The following FBXO21 variants were observed in gnomAD, a reference collection of about 807,000 sequenced individuals.
FBXO21 encodes the protein F-box protein 21.
In FBXO21, 32 loss-of-function variants were observed where a neutral mutation model predicts 76.6. That is an observed-to-expected ratio of 0.42 (90% CI 0.32 to 0.56). The LOEUF is 0.56. Ranked by LOEUF, FBXO21 falls within the 20% of genes least tolerant of loss-of-function variation. FBXO21 has a pLI of 0.16. For synonymous variants in FBXO21, 328 were observed against 311.5 expected, an observed-to-expected ratio of 1.05 and a Z score of -0.56; for missense variants, 586 against 797.3, an observed-to-expected ratio of 0.73 and a Z score of 3.19.
chr12:117,184,049 A>G (rs1352176155), intron 3 of FBXO21, among the ~76,000 whole-genome samples: 1 of 151,936 alleles, frequency 6.6e-6, no homozygotes, highest in Non-Finnish European at 1.5e-5. Flanking sequence ...TTTGGATTAT[A>G]AGTAGCTTTA....
In FBXO21 at chr12:117,144,684, CG is replaced by C. The variant is rs1291573556; in HGVS notation, c.*1402del. The C allele has an allele frequency of 6.6e-6, 1 of 152,180 alleles. No homozygotes were observed. Among genetic ancestry groups the C allele is most frequent in the African/African-American group, 2.4e-5 (1 of 41,450 alleles). 9.4% of individuals were successfully genotyped at this position (152,180 alleles called of 1,614,324 possible). A position where few individuals can be genotyped will look rare whatever the true frequency, so the allele number is the denominator to read the frequency against. ...GAGCAAAGTAACTAGGTCCTAACTTCGGAAGTTAGCTTCTATCGATTAATGA... is the reference window on the plus strand; with the variant it reads ...GAGCAAAGTAACTAGGTCCTAACTTCGAAGTTAGCTTCTATCGATTAATGA... On this transcript the variant is annotated 3_prime_UTR_variant, in exon 12 of 12. Coordinates refer to ENST00000622495, the MANE Select transcript of FBXO21 (RefSeq NM_015002.3).
Position 117,143,368 on chromosome 12 carries a change from T to G in FBXO21, c.*2719A>C, listed in dbSNP as rs1199902713. 6.6e-6 allele frequency: 1 copy of G among 152,208 alleles called. No individual in the cohort carries two copies. The highest frequency in any genetic ancestry group is 1.5e-5 in the Non-Finnish European group (1 of 68,042). 9.4% of individuals were successfully genotyped at this position (152,208 alleles called of 1,614,324 possible). A position where few individuals can be genotyped will look rare whatever the true frequency, so the allele number is the denominator to read the frequency against. Reference sequence around the variant, plus strand: ...GACTTTGTTTAACCTATAACCTTTTTTCCTCCCACATAGTAGGTAGTAACA... The same window carrying G: ...GACTTTGTTTAACCTATAACCTTTTGTCCTCCCACATAGTAGGTAGTAACA... On this transcript the variant is annotated 3_prime_UTR_variant, in exon 12 of 12. Transcript: ENST00000622495.
At chr12:117,189,054 GT>G (rs1158909047) in intron 2 of FBXO21, 172 bp downstream of exon 2, 1 of 716,002 alleles carries the variant, frequency 1.4e-6, no homozygotes, top group Admixed American at 2.7e-5. Flanking sequence ...ATGGCTTCGT[GT>G]TGTTGGATAG....
intron 9 of FBXO21, 42 bp downstream of exon 9, chr12:117,165,443 C>G: frequency 1.3e-6 from 2 of 1,591,570 alleles, no homozygotes; most frequent in Non-Finnish European, 1.7e-6. Flanking sequence ...CTAGGACTTC[C>G]CTTTCTAAGG....
At chr12:117,184,716 A>G (rs1956266372) in intron 3 of FBXO21, among the ~76,000 whole-genome samples, 1 of 152,240 alleles carries the variant, frequency 6.6e-6, no homozygotes, top group African/African-American at 2.4e-5. Context: ...ATTGCACTCC[A>G]GCCTGGGCTA....
chr12:117,180,329 A>C (rs1361544804), intron 3 of FBXO21, among the ~76,000 whole-genome samples: 1 of 152,224 alleles, frequency 6.6e-6, no homozygotes, highest in Non-Finnish European at 1.5e-5. Flanking sequence ...TAGGAAGCCT[A>C]GTGTTGATGT....
At chr12:117,158,173 A>T in intron 9 of FBXO21, 110 bp from the exon 10 acceptor site, 2 of 1,267,082 alleles carry the variant, frequency 1.6e-6, no homozygotes, top group Non-Finnish European at 2.3e-6. Flanking sequence ...CAAAGGACCA[A>T]AAGGGGTGGC....
In FBXO21 at chr12:117,190,316, C is replaced by T; in HGVS notation, c.141G>A (p.Leu47=). Residue 47 remains leucine (L), a synonymous_variant, in exon 1 of 12, where the codon CTG becomes CTA. Transcript: ENST00000622495. ...VLEYILCCGS[L]TAADIGRVSS... Reference sequence around the variant, plus strand: ...AGACACGGCCGATGTCGGCGGCCGTCAGCGAGCCGCAGCACAGGATGTACT... The same window carrying T: ...AGACACGGCCGATGTCGGCGGCCGTTAGCGAGCCGCAGCACAGGATGTACT... 1 of 1,529,870 alleles carries T rather than the reference C, an allele frequency of 6.5e-7. No individual in the cohort carries two copies. The highest frequency in any genetic ancestry group is 8.7e-7 in the Non-Finnish European group (1 of 1,149,368). The allele number at this position is 1,529,870 out of a possible 1,614,324, so 94.8% of individuals were successfully genotyped here.
intron 7 of FBXO21, among the ~76,000 whole-genome samples, chr12:117,172,121 C>T (rs1051489581): frequency 6.6e-6 from 1 of 152,288 alleles, no homozygotes; most frequent in East Asian, 1.9e-4. Flanking sequence ...TGCTTTGGAA[C>T]AAAGGGACTC....
chr12:117,148,223 G>A (rs1473452796), intron 11 of FBXO21, among the ~76,000 whole-genome samples: 1 of 152,186 alleles, frequency 6.6e-6, no homozygotes, highest in Non-Finnish European at 1.5e-5. Flanking sequence ...GTTTTAGGCT[G>A]TTTCGGCAGA....
chr12:117,152,998 G>A (rs573015438), intron 11 of FBXO21, among the ~76,000 whole-genome samples: 17 of 152,178 alleles, frequency 1.1e-4, no homozygotes, highest in Middle Eastern at 3.4e-3. Flanking sequence ...CCGTGCTGGG[G>A]CTGTAAGGGG....
chr12:117,180,679 G>T (rs1474921940), intron 3 of FBXO21, among the ~76,000 whole-genome samples: 1 of 152,068 alleles, frequency 6.6e-6, no homozygotes, highest in African/African-American at 2.4e-5. Context: ...AGGCTGGAGT[G>T]CAGTGGTGCG....
In FBXO21 at chr12:117,172,463, A is replaced by G; in HGVS notation, c.1013+8T>C. 5 of 1,610,946 alleles carry G rather than the reference A, an allele frequency of 3.1e-6. No homozygotes were observed. The highest frequency in any genetic ancestry group is 4.2e-6 in the Non-Finnish European group (5 of 1,177,952). ...CAGGACCACAGATAATGTGTCACGG[A>G]TGCTCACCCTTCTGCGCCTTGGCAC... is the stretch of plus-strand genomic sequence containing the variant. On this transcript the variant is annotated splice_region_variant and intron_variant, in intron 7 of 11. Coordinates refer to ENST00000622495, the MANE Select transcript of FBXO21 (RefSeq NM_015002.3).
chr12:117,166,938 A>G lies in FBXO21; in HGVS notation c.1153T>C (p.Leu385=). The G allele has an allele frequency of 6.2e-7, 1 of 1,614,180 alleles. No homozygotes were observed. The highest frequency in any genetic ancestry group is 8.5e-7 in the Non-Finnish European group (1 of 1,180,040). The change falls in exon 8 of 12, where the codon TTA becomes CTA. Residue 385 remains leucine (L), a synonymous_variant. Transcript: ENST00000622495. ...AACAGGTTTCCCACCATTCTCTGTA[A>G]CACCTTCTTGACATTGACCACCCCA... ...LYGVVNVKKV[L]QRMVGNLLSL... is the part of the protein sequence containing the mutation.
intron 10 of FBXO21, among the ~76,000 whole-genome samples, chr12:117,156,873 T>C (rs1955921820): frequency 6.6e-6 from 1 of 152,200 alleles, no homozygotes; most frequent in South Asian, 2.1e-4. Flanking sequence ...GGAGGACTAA[T>C]AACTCAATAG....
chr12:117,152,980 C>T (rs753254055), intron 11 of FBXO21, among the ~76,000 whole-genome samples: 1 of 151,912 alleles, frequency 6.6e-6, no homozygotes, highest in African/African-American at 2.4e-5. Flanking sequence ...GTATGTCAGG[C>T]GTGGGAACCG....
At position 117,190,238 on chromosome 12, in the gene FBXO21, C is replaced by G. The variant is rs1441049966; in HGVS notation, c.219G>C (p.Trp73Cys). The G allele has an allele frequency of 1.3e-6, 2 of 1,538,598 alleles. No homozygotes were observed. The highest frequency in any genetic ancestry group is 1.7e-6 in the Non-Finnish European group (2 of 1,152,930). ...CTCACCTCACCCGGAACTGCTCCTT[C>G]CACACCTTCCCGCTGCTCTGGCACA... ...RELCQSSGKV[W>C]KEQFRVRWPS... Residue 73 changes from tryptophan (W) to cysteine (C), a missense_variant, in exon 1 of 12, where the codon TGG becomes TGC. By Grantham distance (215) the Trp-to-Cys change is radical. Transcript: ENST00000622495.
At chr12:117,161,589 C>T (rs1955977090) in intron 9 of FBXO21, among the ~76,000 whole-genome samples, 1 of 152,176 alleles carries the variant, frequency 6.6e-6, no homozygotes, top group Admixed American at 6.5e-5. Flanking sequence ...CTTCGGGCTG[C>T]AGAAGTGCTG....
chr12:117,160,345 T>C (rs1180770154), intron 9 of FBXO21, among the ~76,000 whole-genome samples: 1 of 152,162 alleles, frequency 6.6e-6, no homozygotes, highest in Non-Finnish European at 1.5e-5. Context: ...CTCTCTGAAG[T>C]TCTTGGCTCT....
Sources: allele counts gnomAD v4.1 joint callset (sites outside exome capture counted in the v4.1 genomes callset), GRCh38; gene constraint gnomAD v4.1.1; transcripts MANE v1.5; gene names NCBI Gene and HGNC (gene_info 2026-07-23, HGNC 2026-07-21).